The following PRKN variants were observed in gnomAD, a reference collection of about 807,000 sequenced individuals.
The protein encoded by PRKN is parkin RBR E3 ubiquitin protein ligase, also known as E3 ubiquitin-protein ligase parkin.
PRKN carries 56 observed loss-of-function variants against 59.5 expected under a neutral mutation model. The observed-to-expected ratio is 0.94, with a 90% CI of 0.76 to 1.18. The LOEUF (loss-of-function observed/expected upper bound fraction) is 1.18, where lower values mean the gene tolerates loss of function less well. PRKN is among the 50% of genes most tolerant of loss of function. The pLI is 0.00. For synonymous variants in PRKN, 250 were observed against 222.1 expected (o/e 1.13, Z -1.12); for missense variants, 657 against 596.4 (o/e 1.10, Z -1.06).
chr6:162,201,103 G>C (rs1361564876), intron 4 of PRKN, 28 bp downstream of exon 4: 1 of 1,613,082 alleles, frequency 6.2e-7, no homozygotes, highest in Admixed American at 1.7e-5. Flanking sequence ...TTTCCTGGCA[G>C]TCTCATGCTG....
intron 7 of PRKN, among the ~76,000 whole-genome samples, chr6:161,630,776 G>A (rs753522319): frequency 1.5e-4 from 23 of 152,028 alleles, no homozygotes; most frequent in Non-Finnish European, 2.5e-4. Context: ...GAGAAGCAGT[G>A]ATGAATCAAA....
intron 6 of PRKN, among the ~76,000 whole-genome samples, chr6:161,890,260 G>T (rs1025639930): frequency 1.3e-5 from 2 of 152,114 alleles, no homozygotes; most frequent in Non-Finnish European, 2.9e-5. Flanking sequence ...TTCTGAAAGA[G>T]TCCCTGTTCT....
intron 1 of PRKN, among the ~76,000 whole-genome samples, chr6:162,481,570 G>T (rs1038234648): frequency 2.0e-5 from 3 of 152,098 alleles, no homozygotes; most frequent in Admixed American, 2.0e-4. Flanking sequence ...ATGATATTTG[G>T]CATCTCACTG....
At chr6:161,890,651 A>G (rs12193920) in intron 6 of PRKN, among the ~76,000 whole-genome samples, 24,055 of 152,106 alleles carry the variant, frequency 0.16, 2,493 homozygotes, top group African/African-American at 0.29. Context: ...TGTGCCGTGA[A>G]CATAACACTC....
intron 2 of PRKN, among the ~76,000 whole-genome samples, chr6:162,286,020 T>C (rs1294141277): frequency 2.0e-5 from 3 of 152,162 alleles, no homozygotes; most frequent in Non-Finnish European, 2.9e-5. Context: ...AACCAAAGAC[T>C]ACAAAATGCA....
intron 6 of PRKN, among the ~76,000 whole-genome samples, chr6:161,790,160 G>A (rs1468927310): frequency 1.3e-5 from 2 of 152,310 alleles, no homozygotes; most frequent in African/African-American, 4.8e-5. Context: ...ATCCATTAGG[G>A]AACTTGAATT....
chr6:161,822,792 A>T (rs1792086507), intron 6 of PRKN, among the ~76,000 whole-genome samples: 1 of 152,248 alleles, frequency 6.6e-6, no homozygotes, highest in Non-Finnish European at 1.5e-5. Context: ...GACATTGTTT[A>T]TGTGAGAATT....
chr6:161,433,779 G>A (rs57228909), intron 9 of PRKN, among the ~76,000 whole-genome samples: 1 of 152,170 alleles, frequency 6.6e-6, no homozygotes, highest in South Asian at 2.1e-4. Context: ...CACTTTGGGA[G>A]GCCGAGGCAA....
At position 161,463,233 on chromosome 6, in the gene PRKN, T is replaced by C. The variant is rs1171521657; in HGVS notation, c.1084-76356A>G. 6.6e-6 allele frequency among the ~76,000 whole-genome samples: 1 copy of C among 152,136 alleles called. No individual in the cohort carries two copies. The highest frequency in any genetic ancestry group is 2.4e-5 in the African/African-American group (1 of 41,430). On this transcript the variant is annotated intron_variant, in intron 9 of 11. Coordinates refer to ENST00000366898, the MANE Select transcript of PRKN (RefSeq NM_004562.3). The surrounding 1 kb of genome is among the most constrained non-coding windows in gnomAD (Gnocchi z 4.8). ...CGGCCTCTGGAAGGTGACTGCCAGG[T>C]CAGCTTCACTGTCAGCTGGTGCCTC...
At chr6:161,532,271 CTG>C (rs1779253104) in intron 9 of PRKN, among the ~76,000 whole-genome samples, 1 of 151,578 alleles carries the variant, frequency 6.6e-6, no homozygotes, top group East Asian at 1.9e-4. Flanking sequence ...GTAAAACTAA[CTG>C]GATTAAAATT....
rs1784886287 is a variant in PRKN at position 161,359,263 on chromosome 6, G to C, written c.1285+825C>G. ...GCTAAGCCAGCACCTGCGGCTCTGG[G>C]ATGTGTTCAAGCACCGTCTTGTTTG... On this transcript the variant is annotated intron_variant, in intron 11 of 11. Coordinates refer to ENST00000366898, the MANE Select transcript of PRKN (RefSeq NM_004562.3). This position sits in a 1 kb window ranked among gnomAD's most constrained non-coding sequence, Gnocchi z 5.4. Among the ~76,000 whole-genome samples, 1 of 152,198 alleles carries C rather than the reference G, an allele frequency of 6.6e-6. No homozygotes were observed. The highest frequency in any genetic ancestry group is 2.4e-5 in the African/African-American group (1 of 41,448).
chr6:161,856,978 A>ACAGTGGCTCATGCCTGTAATCT (rs141779675), intron 6 of PRKN, among the ~76,000 whole-genome samples: 1 of 151,632 alleles, frequency 6.6e-6, no homozygotes, highest in East Asian at 1.9e-4. Context: ...TAGTCCTGGC[A>ACAGTGGCTCATGCCTGTAATCT]CAGTACTTTG....
intron 2 of PRKN, among the ~76,000 whole-genome samples, chr6:162,413,590 T>C (rs1788458778): frequency 2.0e-5 from 3 of 152,212 alleles, no homozygotes; most frequent in Admixed American, 2.0e-4. Context: ...CTCATTTCCT[T>C]TTTTTCCATT....
intron 3 of PRKN, among the ~76,000 whole-genome samples, chr6:162,222,353 C>A (rs1375736288): frequency 2.6e-5 from 4 of 152,134 alleles, no homozygotes; most frequent in Admixed American, 1.3e-4. Flanking sequence ...ATCAGAGAAG[C>A]TCCCATAGAA....
At chr6:162,354,102 A>G (rs910559384) in intron 2 of PRKN, among the ~76,000 whole-genome samples, 1 of 152,300 alleles carries the variant, frequency 6.6e-6, no homozygotes, top group Non-Finnish European at 1.5e-5. Flanking sequence ...ATTCTGCAGC[A>G]TATGGAAATT....
intron 1 of PRKN, among the ~76,000 whole-genome samples, chr6:162,476,717 CA>C (rs1429197313): frequency 6.6e-6 from 1 of 152,116 alleles, no homozygotes; most frequent in African/African-American, 2.4e-5. Flanking sequence ...ACCCCAGCCA[CA>C]AGAGTAACAC....
chr6:162,623,392 A>G (rs1158340768), intron 1 of PRKN, among the ~76,000 whole-genome samples: 2 of 152,206 alleles, frequency 1.3e-5, no homozygotes, highest in East Asian at 3.8e-4. Flanking sequence ...ACACATTGCT[A>G]CATTAAACGC....
intron 1 of PRKN, among the ~76,000 whole-genome samples, chr6:162,532,139 T>C (rs1160738539): frequency 1.7e-5 from 1 of 59,730 alleles, no homozygotes; most frequent in Admixed American, 1.7e-4. Context: ...AATTGTGTTT[T>C]TAAGGTATCT....
chr6:162,601,698 G>A (rs1781719039), intron 1 of PRKN, among the ~76,000 whole-genome samples: 1 of 151,962 alleles, frequency 6.6e-6, no homozygotes, highest in Non-Finnish European at 1.5e-5. Flanking sequence ...TTATATATGA[G>A]GAGTACATTT....
Sources: allele counts gnomAD v4.1 joint callset (sites outside exome capture counted in the v4.1 genomes callset), GRCh38; gene constraint gnomAD v4.1.1; non-coding constraint Gnocchi (gnomAD v3.1); transcripts MANE v1.5; gene names NCBI Gene and HGNC (gene_info 2026-07-23, HGNC 2026-07-21).